The following MTBP variants were observed in gnomAD, a reference collection of about 807,000 sequenced individuals.
The protein encoded by MTBP is mdm2-binding protein.
A neutral mutation model predicts 117.0 loss-of-function variants in MTBP; 101 were observed. The ratio of observed to expected loss-of-function variants is 0.86; its 90% CI spans 0.73 to 1.02. The LOEUF (loss-of-function observed/expected upper bound fraction) is 1.02, where lower values mean the gene tolerates loss of function less well. MTBP is among the 50% of genes least tolerant of loss of function. The probability of loss-of-function intolerance (pLI) is 0.00; values close to 1 mark genes in which losing one functional copy is unlikely to be tolerated. For missense variants in MTBP, 970 were observed against 1,030.9 expected (o/e 0.94, Z 0.81); for synonymous variants, 350 against 351.5 (o/e 1.00, Z 0.05).
rs1354822231 is a variant in MTBP, at chr8:120,509,944, T to C, written c.1894T>C (p.Phe632Leu). The stretch of plus-strand genomic sequence containing the variant: ...AATTTTTTGTTTCAGGGAAAAGACT[T>C]TTGTTTTGACACCAGAACTTAGTCC... ...PLPIQKGEKTFVLTPELSPGK... is the reference protein window; with the variant it reads ...PLPIQKGEKTLVLTPELSPGK... The change falls in exon 17 of 22, where the codon TTT becomes CTT. Residue 632 changes from phenylalanine to leucine, a missense_variant. Physicochemically the swap from Phe to Leu is conservative, Grantham distance 22. Coordinates refer to ENST00000305949, the MANE Select transcript of MTBP (RefSeq NM_022045.5). 1 of 1,609,498 alleles carries C rather than the reference T, an allele frequency of 6.2e-7. No individual in the cohort carries two copies. The highest frequency in any genetic ancestry group is 2.2e-5 in the East Asian group (1 of 44,762).
chr8:120,457,112 C>G lies in MTBP; in HGVS notation c.747+442C>G, dbSNP rs144567560. 3.8e-3 allele frequency among the ~76,000 whole-genome samples: 575 copies of G among 152,198 alleles called. 4 individuals are homozygous for G. The highest frequency in any genetic ancestry group is 0.01 in the Middle Eastern group (3 of 294). ...TTCCCATAATACTACCTTAGGTGAT[C>G]TTTGCTGTTTATTAACCAGCCCTCA... On this transcript the variant is annotated intron_variant, in intron 7 of 21. Coordinates refer to ENST00000305949, the MANE Select transcript of MTBP (RefSeq NM_022045.5).
intron 21 of MTBP, 97 bp downstream of exon 21, chr8:120,522,816 C>T: frequency 1.2e-6 from 1 of 855,616 alleles, no homozygotes. Flanking sequence ...TAATCAGTTA[C>T]TGGTCTTTTT....
chr8:120,458,476 A>G (rs1047632311), intron 7 of MTBP, among the ~76,000 whole-genome samples: 20 of 152,150 alleles, frequency 1.3e-4, no homozygotes, highest in Admixed American at 9.8e-4. Flanking sequence ...CTACTTCTGC[A>G]GCAATTGATC....
intron 14 of MTBP, among the ~76,000 whole-genome samples, chr8:120,499,321 A>G (rs1050951424): frequency 1.3e-5 from 2 of 152,112 alleles, no homozygotes; most frequent in Non-Finnish European, 2.9e-5. Flanking sequence ...ATTTAAATGT[A>G]ACTTTCTCAA....
intron 17 of MTBP, among the ~76,000 whole-genome samples, chr8:120,510,954 G>T (rs914990064): frequency 1.3e-5 from 2 of 151,878 alleles, no homozygotes; most frequent in Admixed American, 1.3e-4. Flanking sequence ...GAAATTAGCA[G>T]TATGAAGTAT....
At chr8:120,468,526 A>G (rs1417717951) in intron 10 of MTBP, among the ~76,000 whole-genome samples, 4 of 152,142 alleles carry the variant, frequency 2.6e-5, no homozygotes. Flanking sequence ...AGTTGTTGAG[A>G]TGCTTGAGGA....
chr8:120,448,096 T>C (rs1813265524), intron 2 of MTBP, among the ~76,000 whole-genome samples: 1 of 152,104 alleles, frequency 6.6e-6, no homozygotes. Context: ...CACACCTGGC[T>C]AATTTTTTAA....
At chr8:120,485,433 A>T (rs1457743711) in intron 11 of MTBP, among the ~76,000 whole-genome samples, 1 of 152,120 alleles carries the variant, frequency 6.6e-6, no homozygotes, top group East Asian at 1.9e-4. Context: ...ACTCCTTTTA[A>T]GTTTATTGTA....
chr8:120,500,927 C>T (rs1211302611), intron 14 of MTBP, among the ~76,000 whole-genome samples: 1 of 151,950 alleles, frequency 6.6e-6, no homozygotes, highest in African/African-American at 2.4e-5. Flanking sequence ...CGCGGTGGCT[C>T]ACACCTGTAA....
At chr8:120,475,522 C>T (rs1036196073) in intron 11 of MTBP, among the ~76,000 whole-genome samples, 70 of 151,922 alleles carry the variant, frequency 4.6e-4, no homozygotes, top group African/African-American at 1.6e-3. Context: ...TTAATTTGAA[C>T]CATCTGATGT....
At chr8:120,465,183 A>G (rs1381109752) in intron 10 of MTBP, among the ~76,000 whole-genome samples, 1 of 152,096 alleles carries the variant, frequency 6.6e-6, no homozygotes, top group Non-Finnish European at 1.5e-5. Context: ...CAGTCACCTA[A>G]TTTTTTGGAG....
At chr8:120,452,261 G>A (rs1813372614) in intron 4 of MTBP, 1 of 152,080 alleles carries the variant, frequency 6.6e-6, no homozygotes, top group Admixed American at 6.5e-5. Context: ...ATATCTGTAA[G>A]TAGCTGTAGA....
rs569078647 is a variant in MTBP at position 120,519,042 on chromosome 8, A to G, written c.2610+225A>G. 5.3e-5 allele frequency among the ~76,000 whole-genome samples: 8 copies of G among 152,036 alleles called. 1 individual carries two copies. In the East Asian group the frequency reaches 1.2e-3, roughly 22 times the overall value. ...TTTAACCAATATCCTATTTCCCCTA[A>G]TGTGCATTTGACTTACAGGTAATAA... is the stretch of plus-strand genomic sequence containing the variant. On this transcript the variant is annotated intron_variant, in intron 20 of 21. Coordinates refer to ENST00000305949, the MANE Select transcript of MTBP (RefSeq NM_022045.5).
At chr8:120,518,877 C>T (rs1814967406) in intron 20 of MTBP, 60 bp downstream of exon 20, 1 of 1,195,242 alleles carries the variant, frequency 8.4e-7, no homozygotes, top group Admixed American at 2.3e-5. Flanking sequence ...TCCTGTTTGA[C>T]ATAAAAAAAA....
Position 120,467,491 on chromosome 8 carries a change from G to A in MTBP, c.1048-3329G>A, listed in dbSNP as rs370623595. ...ATATTATCCAGGCGTGGTGGCATGC[G>A]CCTACTTGGGAGGCTGAGGCGGGAG... On this transcript the variant is annotated intron_variant, in intron 10 of 21. Coordinates refer to ENST00000305949, the MANE Select transcript of MTBP (RefSeq NM_022045.5). 6.8e-4 allele frequency among the ~76,000 whole-genome samples: 103 copies of A among 152,200 alleles called. 1 individual carries two copies. The highest frequency in any genetic ancestry group is 2.3e-3 in the African/African-American group (96 of 41,534).
chr8:120,497,140 T>C (rs1399647922), intron 13 of MTBP, among the ~76,000 whole-genome samples: 1 of 152,230 alleles, frequency 6.6e-6, no homozygotes, highest in Non-Finnish European at 1.5e-5. Flanking sequence ...CTGAAGGCTT[T>C]AGTAAACCTG....
At chr8:120,471,059 C>T (rs1813806579) in intron 11 of MTBP, 122 bp downstream of exon 11, 1 of 650,188 alleles carries the variant, frequency 1.5e-6, no homozygotes, top group Admixed American at 3.0e-5. Context: ...CTACTGATTA[C>T]CAGGAGTCCA....
chr8:120,522,551 G>A (rs12680641), intron 20 of MTBP, 103 bp from the exon 21 acceptor site: 36,795 of 758,000 alleles, frequency 0.049, 2,262 homozygotes, highest in East Asian at 0.23. Flanking sequence ...ACATTAATAC[G>A]TGTAGAATGA....
intron 1 of MTBP, among the ~76,000 whole-genome samples, 198 bp from the exon 2 acceptor site, chr8:120,446,235 C>T (rs561240242): frequency 8.4e-4 from 128 of 152,294 alleles, no homozygotes; most frequent in Admixed American, 1.5e-3. Context: ...AACTGACTGG[C>T]ATGTACAGAT....
Sources: gnomAD v4.1 joint callset for allele counts (sites outside exome capture counted in the v4.1 genomes callset) on GRCh38, gnomAD v4.1.1 for gene constraint, MANE v1.5 for transcripts, NCBI Gene and HGNC (gene_info 2026-07-23, HGNC 2026-07-21) for gene names.